The following ERBB4 variants were observed in gnomAD, a reference collection of about 807,000 sequenced individuals.
The protein encoded by ERBB4 is receptor tyrosine-protein kinase erbB-4.
ERBB4 carries 42 observed loss-of-function variants against 158.0 expected under a neutral mutation model. That is an observed-to-expected ratio of 0.27 (90% confidence interval 0.21 to 0.34). ERBB4 has a LOEUF of 0.34. Ranked by LOEUF, ERBB4 falls within the 10% of genes least tolerant of loss-of-function variation. ERBB4 has a pLI of 1.00. For missense variants in ERBB4, 1,333 were observed against 1,624.1 expected (o/e 0.82, Z 3.08); for synonymous variants, 583 against 558.7 (o/e 1.04, Z -0.61).
At chr2:211,948,268 C>G (rs1422795184) in intron 2 of ERBB4, among the ~76,000 whole-genome samples, 4 of 151,762 alleles carry the variant, frequency 2.6e-5, no homozygotes, top group Non-Finnish European at 5.9e-5. Flanking sequence ...AACCCCATCT[C>G]TACTAAAAAT....
chr2:212,121,224 T>TTTTG lies in ERBB4; in HGVS notation c.234+3524_234+3527dup, dbSNP rs542388896. ...ATGGGGCATCCAGAGTATTCTGGTT[T>TTTTG]TTTGTTTGTTTGTTTGTTTGTTTTT... On this transcript the variant is annotated intron_variant, in intron 2 of 27. Transcript: ENST00000342788. Among the ~76,000 whole-genome samples the TTTTG allele has an allele frequency of 1.7e-4, 26 of 152,242 alleles. No individual in the cohort carries two copies. The East Asian group carries it at 2.1e-3, about 12-fold the overall frequency.
At chr2:211,514,722 T>C (rs1220523336) in intron 20 of ERBB4, among the ~76,000 whole-genome samples, 1 of 152,208 alleles carries the variant, frequency 6.6e-6, no homozygotes, top group African/African-American at 2.4e-5. Flanking sequence ...TTATCTGAAA[T>C]GCTTGGGGGC....
chr2:211,695,516 T>A (rs1361292762), intron 12 of ERBB4, among the ~76,000 whole-genome samples: 1 of 152,154 alleles, frequency 6.6e-6, no homozygotes, highest in Non-Finnish European at 1.5e-5. Flanking sequence ...AATTTTAAAA[T>A]GTTTTAATTT....
chr2:212,392,625 T>A (rs1256181392), intron 1 of ERBB4, among the ~76,000 whole-genome samples: 1 of 152,074 alleles, frequency 6.6e-6, no homozygotes, highest in Non-Finnish European at 1.5e-5. Flanking sequence ...TGTCATTCGA[T>A]ATTAAGCTAA....
intron 4 of ERBB4, chr2:211,778,394 C>T (rs956282087): frequency 5.3e-5 from 8 of 152,014 alleles, no homozygotes; most frequent in African/African-American, 1.9e-4. Context: ...CTAGGCCAAC[C>T]AGGAACTCTG....
At chr2:211,722,787 G>C (rs1017525207) in intron 6 of ERBB4, among the ~76,000 whole-genome samples, 2 of 152,128 alleles carry the variant, frequency 1.3e-5, no homozygotes, top group African/African-American at 4.8e-5. Context: ...CTGAGAATTG[G>C]TTTAAAGTTA....
At chr2:211,522,053 G>A (rs1289069872) in intron 20 of ERBB4, among the ~76,000 whole-genome samples, 3 of 152,116 alleles carry the variant, frequency 2.0e-5, no homozygotes, top group Admixed American at 6.5e-5. Flanking sequence ...CATAGATCGA[G>A]GAGTAATTTG....
chr2:211,635,632 T>G (rs1325090169), intron 16 of ERBB4, among the ~76,000 whole-genome samples: 1 of 152,146 alleles, frequency 6.6e-6, no homozygotes, highest in African/African-American at 2.4e-5. Flanking sequence ...GTCAATATAA[T>G]TCATGATTAA....
rs150499761 is a variant in ERBB4, at chr2:212,092,007, G to A, written c.234+32745C>T. On this transcript the variant is annotated intron_variant, in intron 2 of 27. Coordinates refer to ENST00000342788, the MANE Select transcript of ERBB4 (RefSeq NM_005235.3). Reference sequence around the variant, plus strand: ...TCCTAATTATATGAAGATCCCACACGTGATATGTCTCCAGTTCCACTTCAT... The same window carrying A: ...TCCTAATTATATGAAGATCCCACACATGATATGTCTCCAGTTCCACTTCAT... 3.1e-3 allele frequency among the ~76,000 whole-genome samples: 472 copies of A among 152,070 alleles called. 6 individuals carry two copies. The highest frequency in any genetic ancestry group is 0.021 in the South Asian group (103 of 4,822).
chr2:211,987,330 C>CA (rs564412801), intron 2 of ERBB4, among the ~76,000 whole-genome samples: 2,833 of 56,182 alleles, frequency 0.05, 109 homozygotes, highest in Middle Eastern at 0.11. Flanking sequence ...CAAGAAAAGA[C>CA]AAAAAAAAAA....
At chr2:211,644,681 C>T (rs912956536) in intron 16 of ERBB4, among the ~76,000 whole-genome samples, 1 of 151,954 alleles carries the variant, frequency 6.6e-6, no homozygotes, top group African/African-American at 2.4e-5. Flanking sequence ...TAACAATCAG[C>T]CATATGTAAT....
chr2:212,481,825 G>GA (rs1689715061), intron 1 of ERBB4, among the ~76,000 whole-genome samples: 1 of 152,120 alleles, frequency 6.6e-6, no homozygotes, highest in Non-Finnish European at 1.5e-5. Context: ...AAAGAAAGCT[G>GA]AAAAAATTAC....
chr2:212,370,870 C>G (rs2090061196), intron 1 of ERBB4, among the ~76,000 whole-genome samples: 1 of 152,116 alleles, frequency 6.6e-6, no homozygotes, highest in African/African-American at 2.4e-5. Flanking sequence ...GTCTTTACCT[C>G]TTTTCAAATA....
rs2081278965 is a variant in ERBB4, at chr2:212,164,085, A to G, written c.83-39182T>C. 2.0e-5 allele frequency among the ~76,000 whole-genome samples: 3 copies of G among 152,012 alleles called. No individual in the cohort carries two copies. In the South Asian group the frequency reaches 6.2e-4, roughly 31 times the overall value. On this transcript the variant is annotated intron_variant, in intron 1 of 27. Coordinates refer to ENST00000342788, the MANE Select transcript of ERBB4 (RefSeq NM_005235.3). ...CCAAAGTGCTGGGATGATAGGTGTG[A>G]GCCATCTTGCCTGGCCTGAACAATT...
intron 1 of ERBB4, among the ~76,000 whole-genome samples, chr2:212,501,807 A>G (rs561605642): frequency 6.6e-6 from 1 of 152,178 alleles, no homozygotes; most frequent in Non-Finnish European, 1.5e-5. Flanking sequence ...CAATACAAAG[A>G]CAAACTCCAT....
At chr2:212,475,891 A>C (rs1689363502) in intron 1 of ERBB4, among the ~76,000 whole-genome samples, 1 of 152,068 alleles carries the variant, frequency 6.6e-6, no homozygotes, top group Non-Finnish European at 1.5e-5. Context: ...TACTCAGTCC[A>C]ATCACTTTCA....
chr2:211,496,265 A>T (rs1055094338), intron 20 of ERBB4, among the ~76,000 whole-genome samples: 1 of 151,990 alleles, frequency 6.6e-6, no homozygotes. Flanking sequence ...CTAAATGCCC[A>T]TGAGTCCTAA....
intron 3 of ERBB4, among the ~76,000 whole-genome samples, chr2:211,900,169 C>A (rs1206076308): frequency 6.6e-6 from 1 of 152,088 alleles, no homozygotes; most frequent in Non-Finnish European, 1.5e-5. Flanking sequence ...TAAAGTGATT[C>A]CTAAATACGA....
At chr2:211,901,973 T>G (rs1168636866) in intron 3 of ERBB4, among the ~76,000 whole-genome samples, 1 of 152,180 alleles carries the variant, frequency 6.6e-6, no homozygotes, top group Non-Finnish European at 1.5e-5. Context: ...ACCACTTTTA[T>G]GTTCTGTTAT....
Sources: gnomAD v4.1 joint callset for allele counts (sites outside exome capture counted in the v4.1 genomes callset) on GRCh38, gnomAD v4.1.1 for gene constraint, MANE v1.5 for transcripts, NCBI Gene and HGNC (gene_info 2026-07-23, HGNC 2026-07-21) for gene names.